The following RAD51B variants were observed in gnomAD, a reference collection of about 807,000 sequenced individuals.
RAD51B encodes RAD51 paralog B.
A neutral mutation model predicts 42.2 loss-of-function variants in RAD51B; 38 were observed. That is an observed-to-expected ratio of 0.90 (90% CI 0.70 to 1.18). The LOEUF is 1.18. Ranked by LOEUF, RAD51B falls within the 50% of genes most tolerant of loss-of-function variation. RAD51B has a pLI of 0.00. For missense variants in RAD51B, 373 were observed against 400.7 expected, an observed-to-expected ratio of 0.93 and a Z score of 0.59; for synonymous variants, 154 against 145.2, an observed-to-expected ratio of 1.06 and a Z score of -0.43.
rs67536658 is a variant in RAD51B at position 68,450,206 on chromosome 14, C to CT, written c.958-17937dup. Among the ~76,000 whole-genome samples, 355 of 47,904 alleles carry CT rather than the reference C, an allele frequency of 7.4e-3. 17 individuals are homozygous for CT. Among genetic ancestry groups the CT allele is most frequent in the African/African-American group, 9.1e-3 (92 of 10,146 alleles). The allele number at this position is 47,904 out of a possible 152,430, so 31.4% of individuals were successfully genotyped here. ...AGAAAGGCCCAAAAAGAGCTTAGGG[C>CT]TTTTTTTTTTTTTTTTTTTTTTTTT... is the stretch of plus-strand genomic sequence containing the variant. On this transcript the variant is annotated intron_variant, in intron 9 of 10. Transcript: ENST00000471583.
At chr14:68,496,089 A>G (rs1342197951) in intron 10 of RAD51B, among the ~76,000 whole-genome samples, 1 of 152,188 alleles carries the variant, frequency 6.6e-6, no homozygotes, top group Non-Finnish European at 1.5e-5. Context: ...TCATTGACAA[A>G]CAGTGTGTCA....
At chr14:68,149,164 T>C (rs1360239636) in intron 7 of RAD51B, among the ~76,000 whole-genome samples, 1 of 152,222 alleles carries the variant, frequency 6.6e-6, no homozygotes, top group Non-Finnish European at 1.5e-5. Flanking sequence ...TGTCTATTCA[T>C]TATCTTAACA....
At chr14:68,602,505 GCTA>G (rs1891261663) in intron 10 of RAD51B, among the ~76,000 whole-genome samples, 1 of 146,904 alleles carries the variant, frequency 6.8e-6, no homozygotes, top group Non-Finnish European at 1.5e-5. Flanking sequence ...TGGATGGATA[GCTA>G]GATAGATAGC....
At chr14:67,869,368 A>G (rs2042441142) in intron 5 of RAD51B, among the ~76,000 whole-genome samples, 1 of 152,222 alleles carries the variant, frequency 6.6e-6, no homozygotes, top group African/African-American at 2.4e-5. Context: ...AAATGAAGCA[A>G]GAAGGGAAGT....
chr14:68,044,312 A>G (rs1419815430), intron 7 of RAD51B, among the ~76,000 whole-genome samples: 3 of 152,238 alleles, frequency 2.0e-5, no homozygotes, highest in Non-Finnish European at 4.4e-5. Flanking sequence ...AAGGAGAAGG[A>G]CAGTGTGATA....
At chr14:67,957,110 T>C (rs892692841) in intron 7 of RAD51B, among the ~76,000 whole-genome samples, 1 of 152,196 alleles carries the variant, frequency 6.6e-6, no homozygotes, top group African/African-American at 2.4e-5. Context: ...AGATAGAATG[T>C]GATAAGCATC....
chr14:68,107,137 A>G (rs1194113551), intron 7 of RAD51B, among the ~76,000 whole-genome samples: 1 of 151,870 alleles, frequency 6.6e-6, no homozygotes, highest in Non-Finnish European at 1.5e-5. Context: ...ATGCTTGGCT[A>G]TGACACAGTT....
At chr14:68,473,743 CA>C (rs1408634820) in intron 10 of RAD51B, among the ~76,000 whole-genome samples, 2 of 152,006 alleles carry the variant, frequency 1.3e-5, no homozygotes, top group Non-Finnish European at 2.9e-5. Context: ...TGAAACTTGA[CA>C]AACTTTAGGA....
chr14:67,877,504 A>T (rs893418528), intron 5 of RAD51B, among the ~76,000 whole-genome samples: 1 of 152,038 alleles, frequency 6.6e-6, no homozygotes, highest in Non-Finnish European at 1.5e-5. Flanking sequence ...CTATGAATCT[A>T]TCTTTATCCC....
At chr14:68,071,736 C>T (rs2076742883) in intron 7 of RAD51B, among the ~76,000 whole-genome samples, 2 of 151,566 alleles carry the variant, frequency 1.3e-5, no homozygotes. Context: ...TTTTTCATTT[C>T]ATCTCTTCCA....
rs374767213 is a variant in RAD51B, at chr14:68,468,129, C to T, written c.958-43C>T. On this transcript the variant is annotated intron_variant, in intron 9 of 10. Coordinates refer to ENST00000471583, the MANE Select transcript of RAD51B (RefSeq NM_133510.4). The stretch of plus-strand genomic sequence containing the variant: ...AAGGGGAGTGAATAGAGGCCCATCC[C>T]TGATCCTTTGACTAACCCTAGAAAA... 6.4e-6 allele frequency: 10 copies of T among 1,564,352 alleles called. No individual in the cohort carries two copies. The African/African-American group carries it at 1.4e-4, about 21-fold the overall frequency.
chr14:68,611,151 T>C (rs1367810848), exon 11 of RAD51B: 1 of 703,136 alleles, frequency 1.4e-6, no homozygotes, highest in Admixed American at 2.0e-5. Context: ...CCATGTGCCC[T>C]CCACAGATGC....
At chr14:68,377,613 C>CT (rs1289944032) in intron 8 of RAD51B, among the ~76,000 whole-genome samples, 2 of 152,252 alleles carry the variant, frequency 1.3e-5, no homozygotes, top group Non-Finnish European at 2.9e-5. Flanking sequence ...TCGCCTCCAT[C>CT]TGCTTCCCTG....
At chr14:68,257,437 A>C (rs1313829917) in intron 7 of RAD51B, among the ~76,000 whole-genome samples, 1 of 152,172 alleles carries the variant, frequency 6.6e-6, no homozygotes, top group Non-Finnish European at 1.5e-5. Flanking sequence ...TTATTTGTAA[A>C]GGGAAAAAAC....
intron 3 of RAD51B, among the ~76,000 whole-genome samples, chr14:67,833,383 A>G (rs920587092): frequency 2.6e-5 from 4 of 152,232 alleles, no homozygotes; most frequent in South Asian, 4.1e-4. Context: ...CTTGAACAAA[A>G]AAAAGGAGAA....
At chr14:68,482,176 GGTGTGTGTGT>G (rs66768673), downstream of RAD51B, among the ~76,000 whole-genome samples, 5 of 149,802 alleles carry the variant, frequency 3.3e-5, no homozygotes, top group Admixed American at 3.3e-4. Context: ...ATATTTTAGG[GGTGTGTGTGT>G]GTGTGTGTGT....
chr14:68,040,779 CG>C (rs2076205827), intron 7 of RAD51B, among the ~76,000 whole-genome samples: 1 of 152,150 alleles, frequency 6.6e-6, no homozygotes, highest in African/African-American at 2.4e-5. Context: ...GAGAATCACC[CG>C]GGAGCTTTTT....
At chr14:68,649,257 A>G (rs1892650766) in intron 10 of RAD51B, among the ~76,000 whole-genome samples, 1 of 152,178 alleles carries the variant, frequency 6.6e-6, no homozygotes, top group Non-Finnish European at 1.5e-5. Flanking sequence ...TTTTGTTTCA[A>G]GGAACAGAAA....
At chr14:67,830,383 G>T (rs72725103) in intron 3 of RAD51B, among the ~76,000 whole-genome samples, 44,162 of 151,902 alleles carry the variant, frequency 0.29, 6,837 homozygotes, top group Middle Eastern at 0.43. Flanking sequence ...TGATTAATAT[G>T]ACAGATATTT....
Sources: gnomAD v4.1 joint callset for allele counts (sites outside exome capture counted in the v4.1 genomes callset) on GRCh38, gnomAD v4.1.1 for gene constraint, MANE v1.5 for transcripts, NCBI Gene and HGNC (gene_info 2026-07-23, HGNC 2026-07-21) for gene names.